The following AHI1 variants were observed in gnomAD, a reference collection of about 807,000 sequenced individuals.
AHI1 encodes Abelson helper integration site 1.
Under a neutral mutation model 149.3 loss-of-function variants are expected in AHI1, and 123 were observed. That is an observed-to-expected ratio of 0.82 (90% CI 0.71 to 0.96). The LOEUF (loss-of-function observed/expected upper bound fraction) is 0.96. Ranked by LOEUF, AHI1 falls within the 40% of genes least tolerant of loss-of-function variation. The pLI is 0.00. For missense variants in AHI1, 1,439 were observed against 1,422.7 expected (o/e 1.01, Z -0.18); for synonymous variants, 475 against 459.8 (o/e 1.03, Z -0.42).
chr6:135,457,535 C>T lies in AHI1; in HGVS notation c.1110G>A (p.Val370=), dbSNP rs758371357. Residue 370 remains valine (V), a synonymous_variant, in exon 9 of 29, where the codon GTG becomes GTA. Transcript: ENST00000265602. ...MISHPMVKIH[V]VDEHTGQYVK... is the part of the protein sequence containing the mutation. ...CATATTGACCAGTATGCTCATCAAC[C>T]ACATGAATTTTTACCATTGGGTGAG... The T allele has an allele frequency of 1.9e-6, 3 of 1,613,766 alleles. No homozygotes were observed. Among genetic ancestry groups the T allele is most frequent in the Non-Finnish European group, 2.5e-6 (3 of 1,179,794 alleles).
chr6:135,414,742 A>G (rs1782093012), intron 20 of AHI1, among the ~76,000 whole-genome samples: 3 of 152,102 alleles, frequency 2.0e-5, no homozygotes. Context: ...ATAAAATAGC[A>G]CTGCATGTAT....
chr6:135,445,554 A>AT (rs1054979498), intron 13 of AHI1, among the ~76,000 whole-genome samples: 1 of 151,828 alleles, frequency 6.6e-6, no homozygotes, highest in Non-Finnish European at 1.5e-5. Flanking sequence ...ACATCAAAAA[A>AT]TTTTTTTTTA....
chr6:135,481,965 A>G (rs992837463), intron 5 of AHI1, among the ~76,000 whole-genome samples: 9 of 151,714 alleles, frequency 5.9e-5, no homozygotes, highest in African/African-American at 1.5e-4. Context: ...TTATTCTCCT[A>G]TATAAAATGT....
rs556493420 is a variant in AHI1 at position 135,381,875 on chromosome 6, T to G, written c.3109+12901A>C. On this transcript the variant is annotated intron_variant, in intron 23 of 28. Transcript: ENST00000265602. ...AGTGCTTGGCAGAGTCTCTGTTACA[T>G]AGTAGGCTCTCCATAAACAATGCTT... Among the ~76,000 whole-genome samples, 6 of 152,336 alleles carry G rather than the reference T, an allele frequency of 3.9e-5. No homozygotes were observed. In the South Asian group the frequency reaches 6.2e-4, roughly 16 times the overall value.
intron 20 of AHI1, among the ~76,000 whole-genome samples, chr6:135,421,627 T>C (rs1052755206): frequency 3.9e-5 from 6 of 152,138 alleles, no homozygotes; most frequent in African/African-American, 9.7e-5. Context: ...ATCATATCAT[T>C]CATGCATTAG....
intron 24 of AHI1, among the ~76,000 whole-genome samples, chr6:135,323,813 CA>C (rs1376512257): frequency 2.0e-5 from 3 of 152,208 alleles, no homozygotes; most frequent in Non-Finnish European, 4.4e-5. Context: ...AATTTCTCTA[CA>C]CACATACATA....
At chr6:135,306,353 A>T (rs777040567) in intron 26 of AHI1, among the ~76,000 whole-genome samples, 24 of 152,196 alleles carry the variant, frequency 1.6e-4, no homozygotes, top group Non-Finnish European at 2.9e-4. Context: ...GCAGGAGGGT[A>T]AAATTACAGA....
In AHI1 at chr6:135,420,079, C is replaced by A. The variant is rs144965421; in HGVS notation, c.2764+7088G>T. Among the ~76,000 whole-genome samples the A allele has an allele frequency of 2.6e-5, 4 of 152,258 alleles. No individual in the cohort carries two copies. In the East Asian group the frequency reaches 7.7e-4, roughly 29 times the overall value. On this transcript the variant is annotated intron_variant, in intron 20 of 28. Transcript: ENST00000265602. ...ATATCTTCAGGCTCTACTTCTAATT[C>A]TAGTTCTCTTGCTATTTTCACCAAA...
intron 18 of AHI1, among the ~76,000 whole-genome samples, chr6:135,429,582 A>G (rs976541888): frequency 1.3e-5 from 2 of 151,544 alleles, no homozygotes; most frequent in African/African-American, 4.8e-5. Context: ...CTTTTTTTTA[A>G]TTGTGAAAAT....
chr6:135,396,267 T>G (rs1779197733), intron 22 of AHI1, among the ~76,000 whole-genome samples: 1 of 151,720 alleles, frequency 6.6e-6, no homozygotes, highest in African/African-American at 2.4e-5. Context: ...TAAATACAGA[T>G]CAAAACTGAC....
Position 135,411,418 on chromosome 6 carries a change from T to C in AHI1, c.2891A>G (p.Asp964Gly), listed in dbSNP as rs753545355. 6.2e-6 allele frequency: 10 copies of C among 1,613,754 alleles called. No individual in the cohort carries two copies. The highest frequency in any genetic ancestry group is 1.7e-5 in the Admixed American group (1 of 60,000). ...AGAACTTTCAGTGTGGACAAATTCA[T>C]CAATCTGAAAAGAGCCTTGATGGGG... ...KLPHQGSFQI[D>G]EFVHTESSST... Residue 964 changes from aspartate (D) to glycine (G), a missense_variant, in exon 21 of 29, where the codon GAT (aspartate) becomes GGT (glycine). By Grantham distance (94) the Asp-to-Gly change is moderately conservative. Coordinates refer to ENST00000265602, the MANE Select transcript of AHI1 (RefSeq NM_001134831.2).
chr6:135,424,725 T>C (rs900327881), intron 20 of AHI1, among the ~76,000 whole-genome samples: 1 of 151,982 alleles, frequency 6.6e-6, no homozygotes, highest in African/African-American at 2.4e-5. Flanking sequence ...AGATGGATGA[T>C]ACATTTAGTT....
intron 24 of AHI1, among the ~76,000 whole-genome samples, chr6:135,343,716 T>C (rs1790729439): frequency 6.7e-6 from 1 of 150,174 alleles, no homozygotes; most frequent in African/African-American, 2.4e-5. Flanking sequence ...AGAATAAAGT[T>C]GGATCCTTAA....
intron 27 of AHI1, 57 bp from the exon 28 acceptor site, chr6:135,290,582 C>G: frequency 1.3e-6 from 2 of 1,584,240 alleles, no homozygotes; most frequent in Non-Finnish European, 1.7e-6. Flanking sequence ...GAGCTAAAAG[C>G]TCAGATGAGG....
intron 8 of AHI1, among the ~76,000 whole-genome samples, chr6:135,462,841 C>T (rs958684345): frequency 6.6e-6 from 1 of 151,984 alleles, no homozygotes; most frequent in Non-Finnish European, 1.5e-5. Flanking sequence ...GTGGAGGTTG[C>T]AATGAGCCGA....
intron 20 of AHI1, among the ~76,000 whole-genome samples, chr6:135,412,810 C>T (rs1781797588): frequency 6.6e-6 from 1 of 152,088 alleles, no homozygotes. Flanking sequence ...AACAGGGATT[C>T]ATAATATGGA....
chr6:135,362,804 C>T (rs1266460138), intron 23 of AHI1, among the ~76,000 whole-genome samples: 1 of 152,022 alleles, frequency 6.6e-6, no homozygotes, highest in African/African-American at 2.4e-5. Context: ...GATTTTCTCC[C>T]ACTCTGTGGG....
intron 27 of AHI1, among the ~76,000 whole-genome samples, chr6:135,294,698 C>CAAAAAAA (rs56734547): frequency 0.013 from 866 of 66,186 alleles, 1 homozygote; most frequent in East Asian, 0.019. Flanking sequence ...TCTCCAAATG[C>CAAAAAAA]AAAAAAAAAA....
intron 27 of AHI1, among the ~76,000 whole-genome samples, chr6:135,299,641 T>C (rs1783600393): frequency 6.6e-6 from 1 of 152,244 alleles, no homozygotes; most frequent in South Asian, 2.1e-4. Flanking sequence ...AATGTTTTGA[T>C]GTAAAATTTT....
Sources: gnomAD v4.1 joint callset for allele counts (sites outside exome capture counted in the v4.1 genomes callset) on GRCh38, gnomAD v4.1.1 for gene constraint, MANE v1.5 for transcripts, NCBI Gene and HGNC (gene_info 2026-07-23, HGNC 2026-07-21) for gene names.